Variants in ATP8A2 observed in about 807,000 individuals in gnomAD.
ATP8A2 encodes the protein phospholipid-transporting ATPase IB.
ATP8A2 carries 100 observed loss-of-function variants against 165.6 expected under a neutral mutation model. That is an observed-to-expected ratio of 0.60 (90% confidence interval 0.51 to 0.71). The LOEUF (loss-of-function observed/expected upper bound fraction) is 0.71, where lower values mean the gene tolerates loss of function less well. Among genes scored for constraint, ATP8A2 ranks in the 30% least tolerant of loss-of-function variants. The pLI, the probability that ATP8A2 is intolerant of heterozygous loss-of-function variation, is 0.00. For missense variants in ATP8A2, 1,227 were observed against 1,479.5 expected, an observed-to-expected ratio of 0.83 and a Z score of 2.80; for synonymous variants, 543 against 548.8, an observed-to-expected ratio of 0.99 and a Z score of 0.15.
chr13:25,986,075 T>C (rs1426567061), intron 35 of ATP8A2, among the ~76,000 whole-genome samples: 1 of 152,192 alleles, frequency 6.6e-6, no homozygotes. Flanking sequence ...TCTCTTCAGC[T>C]TCATTGAGGT....
chr13:26,019,889 T>C lies in ATP8A2; in HGVS notation c.3471T>C (p.His1157=), dbSNP rs762598809. ...TTCTCCTGTGTGCTTCACTTTCAGA[T>C]GGGTATGCTTTTTCTCAAGAAGAAC... is the stretch of plus-strand genomic sequence containing the variant. ...RGSSLQQGVP[H]GYAFSQEEHG... The change falls in exon 37 of 37, where the codon CAT becomes CAC. Residue 1157 remains histidine (H), a splice_region_variant and synonymous_variant. Coordinates refer to ENST00000381655, the MANE Select transcript of ATP8A2 (RefSeq NM_016529.6). The C allele has an allele frequency of 6.2e-7, 1 of 1,611,428 alleles. No homozygotes were observed. The highest frequency in any genetic ancestry group is 8.5e-7 in the Non-Finnish European group (1 of 1,177,530).
At chr13:25,450,642 C>T (rs1239245870) in intron 1 of ATP8A2, among the ~76,000 whole-genome samples, 1 of 152,128 alleles carries the variant, frequency 6.6e-6, no homozygotes, top group Admixed American at 6.5e-5. Flanking sequence ...CGCCATTCTC[C>T]TGCTTCAGCC....
intron 1 of ATP8A2, among the ~76,000 whole-genome samples, chr13:25,380,802 A>C (rs986057898): frequency 1.3e-5 from 2 of 152,196 alleles, no homozygotes; most frequent in African/African-American, 4.8e-5. Context: ...AGGTCATGAA[A>C]GGTGAAGTTC....
At chr13:25,387,564 A>G (rs1052532404) in intron 1 of ATP8A2, among the ~76,000 whole-genome samples, 1 of 152,160 alleles carries the variant, frequency 6.6e-6, no homozygotes, top group Non-Finnish European at 1.5e-5. Context: ...GGCATAAACG[A>G]CAAACCCATT....
rs955016683 is a variant in ATP8A2 at position 25,511,113 on chromosome 13, C to T, written c.222-18886C>T. Among the ~76,000 whole-genome samples the T allele has an allele frequency of 3.9e-5, 6 of 152,268 alleles. No homozygotes were observed. The South Asian group carries it at 1.0e-3, about 26-fold the overall frequency. The stretch of plus-strand genomic sequence containing the variant: ...TTTAGAAATGATCTCTCTGAACTCT[C>T]TTATAGATGCAGATTTCAGTTAATT... On this transcript the variant is annotated intron_variant, in intron 2 of 36. Transcript: ENST00000381655.
intron 23 of ATP8A2, 91 bp downstream of exon 23, chr13:25,582,048 A>G (rs922381902): frequency 1.6e-6 from 2 of 1,259,488 alleles, no homozygotes; most frequent in Non-Finnish European, 2.2e-6. Context: ...TCTCAAATTC[A>G]TTGACAGATG....
intron 33 of ATP8A2, among the ~76,000 whole-genome samples, chr13:25,914,785 C>G (rs896632973): frequency 1.3e-5 from 2 of 152,236 alleles, no homozygotes; most frequent in Admixed American, 6.5e-5. Flanking sequence ...CAGTGCTCCC[C>G]CATGGGGCTT....
At chr13:25,633,164 T>A (rs2041285917) in intron 24 of ATP8A2, among the ~76,000 whole-genome samples, 1 of 152,212 alleles carries the variant, frequency 6.6e-6, no homozygotes, top group African/African-American at 2.4e-5. Flanking sequence ...TCCTTTATAA[T>A]AACCTTTAGA....
At chr13:25,674,273 C>G (rs1268836298) in intron 24 of ATP8A2, among the ~76,000 whole-genome samples, 1 of 152,036 alleles carries the variant, frequency 6.6e-6, no homozygotes, top group Non-Finnish European at 1.5e-5. Context: ...TGTCCCCCCC[C>G]GAAAACTAAA....
At chr13:25,616,609 G>A (rs79897368) in intron 24 of ATP8A2, among the ~76,000 whole-genome samples, 38 of 152,272 alleles carry the variant, frequency 2.5e-4, no homozygotes, top group African/African-American at 7.9e-4. Context: ...TGGGATTATA[G>A]GCGTGAACCA....
intron 32 of ATP8A2, 105 bp from the exon 33 acceptor site, chr13:25,862,196 A>G (rs533234297): frequency 1.1e-5 from 8 of 735,392 alleles, no homozygotes; most frequent in Non-Finnish European, 1.9e-5. Context: ...AAGTCTTTCC[A>G]TAAGGAAAGG....
At chr13:25,490,215 A>C (rs1026614506) in intron 2 of ATP8A2, among the ~76,000 whole-genome samples, 4 of 152,236 alleles carry the variant, frequency 2.6e-5, no homozygotes, top group African/African-American at 9.6e-5. Flanking sequence ...TTAGCCTCTT[A>C]AAGAAGAGTT....
chr13:25,445,919 C>G (rs555836871), intron 1 of ATP8A2, among the ~76,000 whole-genome samples: 2 of 152,274 alleles, frequency 1.3e-5, no homozygotes, highest in African/African-American at 4.8e-5. Context: ...CCCAGCGCTA[C>G]TACTTACTGG....
intron 24 of ATP8A2, among the ~76,000 whole-genome samples, chr13:25,643,991 T>TATTTC (rs140458815): frequency 0.011 from 1 of 90 alleles, no homozygotes; most frequent in Non-Finnish European, 0.038. Context: ...AATTTATTCC[T>TATTTC]ATTTTATTTG....
chr13:25,598,852 G>T (rs1461201630), intron 24 of ATP8A2, among the ~76,000 whole-genome samples: 2 of 152,112 alleles, frequency 1.3e-5, no homozygotes, highest in African/African-American at 2.4e-5. Flanking sequence ...TTCTTTTAAA[G>T]AATATTGTGT....
chr13:25,798,740 A>T (rs1950549335), intron 27 of ATP8A2, among the ~76,000 whole-genome samples: 1 of 152,168 alleles, frequency 6.6e-6, no homozygotes, highest in African/African-American at 2.4e-5. Context: ...ATCTTTCTGT[A>T]CTTCAGAGTC....
chr13:25,438,036 T>C (rs2034828163), intron 1 of ATP8A2, among the ~76,000 whole-genome samples: 2 of 152,196 alleles, frequency 1.3e-5, no homozygotes, highest in African/African-American at 4.8e-5. Context: ...ATGTTCATAA[T>C]TATTTTTATT....
intron 24 of ATP8A2, among the ~76,000 whole-genome samples, chr13:25,624,934 A>G (rs1473992345): frequency 3.9e-5 from 6 of 152,188 alleles, no homozygotes; most frequent in Non-Finnish European, 8.8e-5. Context: ...TGAAATCTAA[A>G]AGTTTTTTAC....
chr13:25,630,085 C>G (rs9671101), intron 24 of ATP8A2, among the ~76,000 whole-genome samples: 9 of 151,594 alleles, frequency 5.9e-5, no homozygotes, highest in South Asian at 2.1e-4. Context: ...TTGTCCCCCC[C>G]CCACCACCAA....
Sources: gnomAD v4.1 joint callset for allele counts (sites outside exome capture counted in the v4.1 genomes callset) on GRCh38, gnomAD v4.1.1 for gene constraint, MANE v1.5 for transcripts, NCBI Gene and HGNC (gene_info 2026-07-23, HGNC 2026-07-21) for gene names.